LRRIQ3: variants seen among roughly 807,000 people sequenced by gnomAD.
LRRIQ3 encodes the protein leucine rich repeats and IQ motif containing 3.
Under a neutral mutation model 59.3 loss-of-function variants are expected in LRRIQ3, and 75 were observed. The observed-to-expected ratio is 1.26, with a 90% confidence interval of 1.05 to 1.53. LRRIQ3 has a LOEUF of 1.53. LRRIQ3 is among the 40% of genes most tolerant of loss of function. LRRIQ3 has a pLI of 0.00. For synonymous variants in LRRIQ3, 250 were observed against 231.3 expected, an observed-to-expected ratio of 1.08 and a Z score of -0.73; for missense variants, 831 against 710.0, an observed-to-expected ratio of 1.17 and a Z score of -1.94.
chr1:74,139,084 A>G (rs1163322723), intron 4 of LRRIQ3, among the ~76,000 whole-genome samples: 8 of 138,958 alleles, frequency 5.8e-5, no homozygotes, highest in Admixed American at 1.5e-4. Context: ...ACATATATGT[A>G]TGTGTGTGTG....
chr1:74,182,875 A>G lies in LRRIQ3; in HGVS notation c.250-14T>C, dbSNP rs1349765914. On this transcript the variant is annotated splice_polypyrimidine_tract_variant and intron_variant, in intron 2 of 7. Transcript: ENST00000354431. ...TAGACTCTTTATCTGAAATATTATT[A>G]AAAATCTTTTAAATTCCAAAATTAC... 4.4e-6 allele frequency: 6 copies of G among 1,354,042 alleles called. No individual in the cohort carries two copies. Among genetic ancestry groups the G allele is most frequent in the Non-Finnish European group, 4.9e-6 (5 of 1,021,386 alleles). 83.9% of individuals were successfully genotyped at this position (1,354,042 alleles called of 1,614,324 possible).
chr1:74,073,069 A>G (rs1655071489), intron 6 of LRRIQ3, among the ~76,000 whole-genome samples: 1 of 152,096 alleles, frequency 6.6e-6, no homozygotes, highest in South Asian at 2.1e-4. Context: ...AGTGTTAAAT[A>G]TTATCAATGT....
At chr1:74,098,390 C>A (rs532624653) in intron 5 of LRRIQ3, among the ~76,000 whole-genome samples, 1 of 152,010 alleles carries the variant, frequency 6.6e-6, no homozygotes, top group Non-Finnish European at 1.5e-5. Flanking sequence ...ACAGGAGCAC[C>A]CAGATTCATA....
At chr1:74,090,943 TC>T (rs1205891166) in intron 5 of LRRIQ3, among the ~76,000 whole-genome samples, 2 of 151,852 alleles carry the variant, frequency 1.3e-5, no homozygotes, top group African/African-American at 4.8e-5. Flanking sequence ...AAATTAAAAG[TC>T]TTTTGAAAAT....
At chr1:74,183,380 T>A in intron 2 of LRRIQ3, 56 bp downstream of exon 2, 1 of 1,445,644 alleles carries the variant, frequency 6.9e-7, no homozygotes, top group Non-Finnish European at 9.2e-7. Flanking sequence ...CATAAGTACT[T>A]ATTATAAGAC....
chr1:74,092,106 T>C (rs1441727582), intron 5 of LRRIQ3, among the ~76,000 whole-genome samples: 3 of 152,080 alleles, frequency 2.0e-5, no homozygotes, highest in Non-Finnish European at 2.9e-5. Flanking sequence ...TTCTATCTCT[T>C]CCTCTTTCTT....
chr1:74,091,417 T>C (rs1646392901), intron 5 of LRRIQ3, among the ~76,000 whole-genome samples: 1 of 151,998 alleles, frequency 6.6e-6, no homozygotes, highest in Non-Finnish European at 1.5e-5. Context: ...CAAATGAACA[T>C]GAACAAAGAC....
In LRRIQ3 at chr1:74,129,478, G is replaced by A. The variant is rs1646981439; in HGVS notation, c.708-19925C>T. 2.0e-5 allele frequency among the ~76,000 whole-genome samples: 3 copies of A among 152,136 alleles called. No individual in the cohort carries two copies. In the South Asian group the frequency reaches 6.2e-4, roughly 31 times the overall value. On this transcript the variant is annotated intron_variant, in intron 4 of 7. Coordinates refer to ENST00000354431, the MANE Select transcript of LRRIQ3 (RefSeq NM_001105659.2). Reference sequence around the variant, plus strand: ...TGCCAGGCCTAGGACTCTCCCTTCAGTGAAGTGAGCTCCCCTCTGGACCAG... The same window carrying A: ...TGCCAGGCCTAGGACTCTCCCTTCAATGAAGTGAGCTCCCCTCTGGACCAG...
At chr1:74,195,614 T>C (rs1651064271) in intron 1 of LRRIQ3, among the ~76,000 whole-genome samples, 2 of 152,172 alleles carry the variant, frequency 1.3e-5, no homozygotes, top group African/African-American at 2.4e-5. Flanking sequence ...ACTCTCCTCC[T>C]GGAAATAAAA....
chr1:74,113,209 A>C (rs1318291545), intron 4 of LRRIQ3, among the ~76,000 whole-genome samples: 1 of 152,076 alleles, frequency 6.6e-6, no homozygotes, highest in Non-Finnish European at 1.5e-5. Context: ...AAATTTTACT[A>C]TGGTGGCTCA....
intron 3 of LRRIQ3, chr1:74,180,586 A>G: frequency 2.6e-6 from 2 of 773,488 alleles, no homozygotes; most frequent in South Asian, 2.3e-5. Context: ...TCAAAATAGT[A>G]GAGGAGTATT....
At chr1:74,104,451 T>A (rs1288383494) in intron 5 of LRRIQ3, among the ~76,000 whole-genome samples, 1 of 152,016 alleles carries the variant, frequency 6.6e-6, no homozygotes, top group African/African-American at 2.4e-5. Context: ...CTTCAACAGG[T>A]GAACGCATGA....
intron 6 of LRRIQ3, among the ~76,000 whole-genome samples, chr1:74,047,682 A>G (rs1393856454): frequency 6.6e-6 from 1 of 152,120 alleles, no homozygotes; most frequent in African/African-American, 2.4e-5. Flanking sequence ...TGTATAAACC[A>G]GAAAGTGGGT....
At chr1:74,141,849 G>A (rs904385118) in intron 4 of LRRIQ3, among the ~76,000 whole-genome samples, 8 of 151,732 alleles carry the variant, frequency 5.3e-5, no homozygotes, top group Non-Finnish European at 5.9e-5. Context: ...AAAGATAACT[G>A]GAGTATCAAC....
At chr1:74,063,025 G>T (rs961582980) in intron 6 of LRRIQ3, among the ~76,000 whole-genome samples, 3 of 151,112 alleles carry the variant, frequency 2.0e-5, no homozygotes, top group Non-Finnish European at 4.4e-5. Context: ...AAATAAAATA[G>T]ATACTCAAGT....
At chr1:74,088,587 AC>A (rs1230342208) in intron 5 of LRRIQ3, among the ~76,000 whole-genome samples, 2 of 152,078 alleles carry the variant, frequency 1.3e-5, no homozygotes, top group African/African-American at 4.8e-5. Flanking sequence ...ATTTTTCTCA[AC>A]AAATGGTAGT....
intron 3 of LRRIQ3, among the ~76,000 whole-genome samples, chr1:74,169,556 C>T (rs998959949): frequency 5.3e-5 from 8 of 151,996 alleles, no homozygotes; most frequent in African/African-American, 1.2e-4. Flanking sequence ...ATTTCTCCAA[C>T]ACTTTTTTTT....
chr1:74,133,983 G>C (rs2100618609), intron 4 of LRRIQ3, among the ~76,000 whole-genome samples: 1 of 151,742 alleles, frequency 6.6e-6, no homozygotes, highest in South Asian at 2.1e-4. Context: ...CTTTATATTT[G>C]AATTTTTATT....
chr1:74,123,826 C>G (rs147599231), intron 4 of LRRIQ3, among the ~76,000 whole-genome samples: 1 of 152,028 alleles, frequency 6.6e-6, no homozygotes, highest in African/African-American at 2.4e-5. Context: ...ATGTCCTTAG[C>G]AGTGGGAATG....
Sources: gnomAD v4.1 joint callset for allele counts (sites outside exome capture counted in the v4.1 genomes callset) on GRCh38, gnomAD v4.1.1 for gene constraint, MANE v1.5 for transcripts, NCBI Gene and HGNC (gene_info 2026-07-23, HGNC 2026-07-21) for gene names.